SNX29: variants seen among roughly 807,000 people sequenced by gnomAD.
SNX29 encodes sorting nexin-29.
In SNX29, 78 loss-of-function variants were observed where a neutral mutation model predicts 102.1. The ratio of observed to expected loss-of-function variants is 0.76; its 90% confidence interval spans 0.64 to 0.92. The LOEUF is 0.92. SNX29 is among the 40% of genes least tolerant of loss of function. The probability of loss-of-function intolerance (pLI) is 0.00; values close to 1 mark genes in which losing one functional copy is unlikely to be tolerated. For synonymous variants in SNX29, 580 were observed against 414.5 expected, an observed-to-expected ratio of 1.40 and a Z score of -4.85; for missense variants, 1,280 against 1,061.7, an observed-to-expected ratio of 1.21 and a Z score of -2.86.
At chr16:12,373,373 T>A (rs1327466312) in intron 16 of SNX29, among the ~76,000 whole-genome samples, 1 of 152,142 alleles carries the variant, frequency 6.6e-6, no homozygotes, top group Non-Finnish European at 1.5e-5. Context: ...CAAGTGATCC[T>A]CCTGCCTCGG....
At chr16:12,463,825 T>A (rs1597469954) in intron 18 of SNX29, among the ~76,000 whole-genome samples, 1 of 148,724 alleles carries the variant, frequency 6.7e-6, no homozygotes, top group Non-Finnish European at 1.5e-5. Context: ...TGAGTGTGTG[T>A]GTGTGTGTGT....
chr16:12,482,048 G>A (rs2087965852), intron 19 of SNX29, among the ~76,000 whole-genome samples: 1 of 152,132 alleles, frequency 6.6e-6, no homozygotes, highest in Admixed American at 6.5e-5. Flanking sequence ...GCTTATGCTG[G>A]CCTCACTGGG....
At chr16:12,185,639 C>G (rs1331212770) in intron 13 of SNX29, among the ~76,000 whole-genome samples, 1 of 152,190 alleles carries the variant, frequency 6.6e-6, no homozygotes, top group Non-Finnish European at 1.5e-5. Context: ...TTTATCCTTA[C>G]TGCATTCGCA....
At chr16:12,142,618 G>A (rs1443962549) in intron 13 of SNX29, among the ~76,000 whole-genome samples, 1 of 151,678 alleles carries the variant, frequency 6.6e-6, no homozygotes, top group Non-Finnish European at 1.5e-5. Context: ...AGGCTGGAGT[G>A]CAGTGGGGCG....
At chr16:12,565,835 C>A (rs769559393) in intron 20 of SNX29, among the ~76,000 whole-genome samples, 19 of 152,206 alleles carry the variant, frequency 1.2e-4, no homozygotes, top group Admixed American at 5.9e-4. Context: ...ACCCTCCACA[C>A]CTCTGCCTCC....
At chr16:12,283,763 C>A (rs149308617) in intron 15 of SNX29, among the ~76,000 whole-genome samples, 1 of 152,318 alleles carries the variant, frequency 6.6e-6, no homozygotes, top group Non-Finnish European at 1.5e-5. Flanking sequence ...GCAGACGTGC[C>A]TGTTCTAATT....
At chr16:12,159,134 A>AC (rs1295953112) in intron 13 of SNX29, among the ~76,000 whole-genome samples, 19 of 152,306 alleles carry the variant, frequency 1.2e-4, no homozygotes, top group African/African-American at 4.6e-4. Context: ...TACTGAGGAC[A>AC]CCCGTCTAAC....
chr16:12,527,502 C>A (rs949827241), intron 20 of SNX29: 1 of 419,336 alleles, frequency 2.4e-6, no homozygotes. Flanking sequence ...CTGAACGTAA[C>A]CGGATTGTTC....
chr16:12,403,496 G>C lies in SNX29; in HGVS notation c.2004G>C (p.Arg668=), dbSNP rs1479214669. ...INVWIPSVFL[R]GKAANAFHVY... ...TCTGGATCCCCTCAGTGTTTCTCCG[G>C]GGCAAAGCAGCAAATGCATTCCACG... Residue 668 remains arginine, a synonymous_variant, in exon 18 of 21, where the codon CGG becomes CGC. Transcript: ENST00000566228. 10 of 1,608,412 alleles carry C rather than the reference G, an allele frequency of 6.2e-6. No individual in the cohort carries two copies. The highest frequency in any genetic ancestry group is 1.7e-4 in the Middle Eastern group (1 of 6,058).
intron 15 of SNX29, among the ~76,000 whole-genome samples, chr16:12,310,448 G>T (rs2080501520): frequency 6.6e-6 from 1 of 151,942 alleles, no homozygotes. Context: ...CACAAGTTGT[G>T]TCAAGGAGGA....
intron 15 of SNX29, among the ~76,000 whole-genome samples, chr16:12,285,836 T>C (rs766086854): frequency 5.9e-5 from 9 of 152,166 alleles, no homozygotes; most frequent in Non-Finnish European, 1.2e-4. Flanking sequence ...ATGAAAGGTA[T>C]GATGTTAGGT....
intron 11 of SNX29, chr16:12,081,291 C>G (rs1257374545): frequency 6.6e-6 from 1 of 152,180 alleles, no homozygotes; most frequent in Non-Finnish European, 1.5e-5. Flanking sequence ...CCAGCAAGAC[C>G]AGAAGTGGGG....
At chr16:12,510,275 G>C (rs1469976970) in intron 19 of SNX29, among the ~76,000 whole-genome samples, 1 of 152,224 alleles carries the variant, frequency 6.6e-6, no homozygotes, top group Non-Finnish European at 1.5e-5. Flanking sequence ...TTACTGAGGG[G>C]TGTGTGCCTT....
intron 14 of SNX29, among the ~76,000 whole-genome samples, chr16:12,212,218 C>T (rs1386244742): frequency 1.3e-5 from 2 of 152,288 alleles, no homozygotes; most frequent in East Asian, 3.9e-4. Context: ...GCCATGTTCG[C>T]CTTTCCCCCC....
chr16:12,222,248 G>A (rs1157324889), intron 14 of SNX29, among the ~76,000 whole-genome samples: 1 of 152,204 alleles, frequency 6.6e-6, no homozygotes, highest in Non-Finnish European at 1.5e-5. Flanking sequence ...TCTGATGGGT[G>A]CAGGGGTGAG....
intron 14 of SNX29, among the ~76,000 whole-genome samples, chr16:12,216,167 AAGAT>A (rs1474518082): frequency 1.3e-5 from 2 of 152,240 alleles, no homozygotes; most frequent in Non-Finnish European, 2.9e-5. Context: ...AAAATTAAAG[AAGAT>A]AGACACAAGA....
intron 18 of SNX29, among the ~76,000 whole-genome samples, chr16:12,411,881 C>T (rs190912091): frequency 1.4e-4 from 22 of 152,336 alleles, no homozygotes; most frequent in Admixed American, 1.2e-3. Flanking sequence ...AACCACTTGA[C>T]TTGTGATAAG....
At chr16:12,561,383 G>C (rs572514325) in intron 20 of SNX29, among the ~76,000 whole-genome samples, 8 of 152,230 alleles carry the variant, frequency 5.3e-5, no homozygotes, top group African/African-American at 1.9e-4. Context: ...GGAAGATGCT[G>C]GCCACATCCC....
At chr16:12,271,640 T>TG (rs1481536790) in intron 14 of SNX29, among the ~76,000 whole-genome samples, 8 of 151,130 alleles carry the variant, frequency 5.3e-5, no homozygotes, top group Non-Finnish European at 1.0e-4. Flanking sequence ...TTTTTTTTTT[T>TG]GAGACAGAGT....
Sources: gnomAD v4.1 joint callset for allele counts (sites outside exome capture counted in the v4.1 genomes callset) on GRCh38, gnomAD v4.1.1 for gene constraint, MANE v1.5 for transcripts, NCBI Gene and HGNC (gene_info 2026-07-23, HGNC 2026-07-21) for gene names.